Variants in DNASE1 observed in about 807,000 individuals in gnomAD.
DNASE1 encodes the protein deoxyribonuclease-1.
In DNASE1, 40 loss-of-function variants were observed where a neutral mutation model predicts 33.9. The observed-to-expected ratio is 1.18, with a 90% CI of 0.92 to 1.54. The LOEUF (loss-of-function observed/expected upper bound fraction) is 1.54. Ranked by LOEUF, DNASE1 falls within the 40% of genes most tolerant of loss-of-function variation. The probability of loss-of-function intolerance (pLI) is 0.00; values close to 1 mark genes in which losing one functional copy is unlikely to be tolerated. For synonymous variants in DNASE1, 216 were observed against 160.0 expected (o/e 1.35, Z -2.64); for missense variants, 518 against 372.6 (o/e 1.39, Z -3.21).
chr16:3,622,230 A>G (rs902108496), intron 1 of DNASE1, among the ~76,000 whole-genome samples: 3 of 151,950 alleles, frequency 2.0e-5, no homozygotes, highest in Non-Finnish European at 4.4e-5. Flanking sequence ...AAAAAAAAAA[A>G]AACGGAGGCT....
chr16:3,625,454 A>C (rs2041478426), intron 1 of DNASE1, among the ~76,000 whole-genome samples: 1 of 150,196 alleles, frequency 6.7e-6, no homozygotes, highest in South Asian at 2.1e-4. Flanking sequence ...CCATCGCTGC[A>C]AAAAAAAAAT....
downstream of DNASE1, chr16:3,663,052 C>T (rs1489824439): frequency 1.2e-5 from 12 of 1,024,166 alleles, no homozygotes; most frequent in South Asian, 1.5e-4. Context: ...GCTTCCAGCT[C>T]CCACCTCCTC....
At chr16:3,664,424 C>T (rs543998778) in exon 10 of DNASE1, 12 of 1,612,332 alleles carry the variant, frequency 7.4e-6, no homozygotes, top group East Asian at 4.5e-5. Flanking sequence ...AGGGCAGCGC[C>T]GAGGACTCGT....
In DNASE1 at chr16:3,623,410, T is replaced by C. The variant is rs181738635; in HGVS notation, c.-1359+11404T>C. 4.3e-3 allele frequency among the ~76,000 whole-genome samples: 659 copies of C among 152,298 alleles called. 4 individuals carry two copies. Among genetic ancestry groups the C allele is most frequent in the African/African-American group, 0.015 (629 of 41,558 alleles). Reference sequence around the variant, plus strand: ...AAACCCTAGGAAAAACTCTTCTGGATATTAGCCTAGGCAAAGAATATATGA... The same window carrying C: ...AAACCCTAGGAAAAACTCTTCTGGACATTAGCCTAGGCAAAGAATATATGA... On this transcript the variant is annotated intron_variant and NMD_transcript_variant, in intron 1 of 11. Transcript: ENST00000570769.
At chr16:3,647,183 AT>A (rs1051105783) in intron 1 of DNASE1, among the ~76,000 whole-genome samples, 1 of 149,572 alleles carries the variant, frequency 6.7e-6, no homozygotes, top group African/African-American at 2.5e-5. Flanking sequence ...TGGTTACCTT[AT>A]TTTTGGATGT....
In DNASE1 at chr16:3,654,906, T is replaced by C. The variant is rs370353478; in HGVS notation, c.-140T>C. 2.9e-5 allele frequency: 13 copies of C among 447,410 alleles called. No individual in the cohort carries two copies. The highest frequency in any genetic ancestry group is 9.9e-5 in the East Asian group (3 of 30,210). The allele number at this position is 447,410 out of a possible 1,614,324, so 27.7% of individuals were successfully genotyped here. A position where few individuals can be genotyped will look rare whatever the true frequency, so the allele number is the denominator to read the frequency against. On this transcript the variant is annotated 5_prime_UTR_variant, in exon 1 of 9. Transcript: ENST00000246949. ...GAGCCCAGCAGCACTGCCAGGGCCT[T>C]GAAGTGCTTCTTCAGAGACCTTTCT... is the stretch of plus-strand genomic sequence containing the variant.
At chr16:3,628,897 C>T (rs1313003836) in intron 1 of DNASE1, among the ~76,000 whole-genome samples, 2 of 142,874 alleles carry the variant, frequency 1.4e-5, no homozygotes, top group African/African-American at 2.6e-5. Flanking sequence ...TTAGGCTGGG[C>T]GCAGTGGCTC....
chr16:3,630,307 A>G (rs1183761628), intron 1 of DNASE1, among the ~76,000 whole-genome samples: 2 of 151,978 alleles, frequency 1.3e-5, no homozygotes, highest in African/African-American at 4.8e-5. Flanking sequence ...TTGGCGCCCC[A>G]AGTAGCTGGG....
At chr16:3,643,316 G>A (rs1256220789) in intron 1 of DNASE1, among the ~76,000 whole-genome samples, 1 of 152,264 alleles carries the variant, frequency 6.6e-6, no homozygotes. Context: ...GGGCAGAGGA[G>A]CAGAAAGTGG....
upstream of DNASE1, chr16:3,651,495 C>A (rs529922632): frequency 1.3e-5 from 2 of 152,394 alleles, no homozygotes; most frequent in South Asian, 4.1e-4. Flanking sequence ...CCAGGCCTAT[C>A]TCCAGAGTGG....
intron 4 of DNASE1, 139 bp from the exon 5 acceptor site, chr16:3,656,499 G>T (rs2042639470): frequency 1.6e-6 from 1 of 622,184 alleles, no homozygotes; most frequent in Admixed American, 2.6e-5. Context: ...CTGTCGCCTG[G>T]GTCCCGGACC....
chr16:3,638,075 A>G (rs1203169337), upstream of DNASE1, among the ~76,000 whole-genome samples: 1 of 151,340 alleles, frequency 6.6e-6, no homozygotes, highest in Non-Finnish European at 1.5e-5. Flanking sequence ...TTGGTAGATA[A>G]AAATAATTCC....
chr16:3,642,201 T>G (rs905774537), upstream of DNASE1, among the ~76,000 whole-genome samples: 5 of 152,214 alleles, frequency 3.3e-5, no homozygotes, highest in Admixed American at 6.5e-5. Context: ...CCTCTTTGCG[T>G]GGAATGGTTC....
intron 5 of DNASE1, 108 bp from the exon 6 acceptor site, chr16:3,656,891 A>AAAAT (rs2042685387): frequency 6.5e-7 from 1 of 1,546,320 alleles, no homozygotes; most frequent in African/African-American, 1.4e-5. Context: ...AGTCATTTGG[A>AAAAT]AAATATCCAC....
chr16:3,660,739 A>G (rs916638786), downstream of DNASE1: 1 of 152,180 alleles, frequency 6.6e-6, no homozygotes, highest in Non-Finnish European at 1.5e-5. Context: ...TGACAAAAGA[A>G]AAAAACTAGA....
At chr16:3,658,938 T>TATC (rs1464883994), downstream of DNASE1, 5 of 1,496,862 alleles carry the variant, frequency 3.3e-6, 1 homozygote, top group Non-Finnish European at 4.6e-6. Flanking sequence ...GTTTTGGGAT[T>TATC]ATCAGGATAT....
intron 1 of DNASE1, among the ~76,000 whole-genome samples, chr16:3,636,778 C>G (rs563836234): frequency 6.6e-6 from 1 of 151,406 alleles, no homozygotes; most frequent in South Asian, 2.1e-4. Context: ...CAAGATCATG[C>G]CACAGTACTC....
intron 4 of DNASE1, 24 bp from the exon 5 acceptor site, chr16:3,656,614 T>A (rs757146554): frequency 2.4e-5 from 38 of 1,590,204 alleles, no homozygotes; most frequent in Non-Finnish European, 3.2e-5. Context: ...TGGGGTCACC[T>A]CCTCCTGCCC....
chr16:3,650,622 A>G (rs955620830), upstream of DNASE1: 1 of 133,884 alleles, frequency 7.5e-6, no homozygotes, highest in Non-Finnish European at 1.6e-5. Flanking sequence ...AAAAAAAAAG[A>G]AAAGAAAAAG....
Sources: gnomAD v4.1 joint callset for allele counts (sites outside exome capture counted in the v4.1 genomes callset) on GRCh38, gnomAD v4.1.1 for gene constraint, MANE v1.5 for transcripts, NCBI Gene and HGNC (gene_info 2026-07-23, HGNC 2026-07-21) for gene names.